PTPRD: variants seen among roughly 807,000 people sequenced by gnomAD.
PTPRD encodes the protein protein tyrosine phosphatase receptor type D.
Under a neutral mutation model 214.5 loss-of-function variants are expected in PTPRD, and 34 were observed. The observed-to-expected ratio is 0.16, with a 90% CI of 0.12 to 0.21. The LOEUF (loss-of-function observed/expected upper bound fraction) is 0.21. Among genes scored for constraint, PTPRD ranks in the 10% least tolerant of loss-of-function variants. The pLI is 1.00. For synonymous variants in PTPRD, 1,128 were observed against 845.7 expected (o/e 1.33, Z -5.79); for missense variants, 2,545 against 2,398.7 (o/e 1.06, Z -1.27).
chr9:9,001,210 G>A (rs1207156450), intron 11 of PTPRD, among the ~76,000 whole-genome samples: 1 of 151,908 alleles, frequency 6.6e-6, no homozygotes, highest in Non-Finnish European at 1.5e-5. Flanking sequence ...TAGGTCCTGG[G>A]GTTGCAGCAA....
intron 2 of PTPRD, among the ~76,000 whole-genome samples, chr9:10,578,099 G>A (rs1470128325): frequency 2.6e-5 from 4 of 151,806 alleles, no homozygotes; most frequent in East Asian, 2.0e-4. Context: ...TAGGAGAGAC[G>A]GGGTTTCACC....
chr9:9,788,869 C>T (rs909767259), intron 5 of PTPRD, among the ~76,000 whole-genome samples: 1 of 152,016 alleles, frequency 6.6e-6, no homozygotes, highest in African/African-American at 2.4e-5. Context: ...TCATGGTCTT[C>T]ATCTAGGGTC....
At chr9:8,940,827 GTGATGA>G (rs5896286) in intron 11 of PTPRD, among the ~76,000 whole-genome samples, 13 of 139,980 alleles carry the variant, frequency 9.3e-5, no homozygotes, top group African/African-American at 2.5e-4. Context: ...CAAAACATTA[GTGATGA>G]TGATGATGAT....
intron 9 of PTPRD, among the ~76,000 whole-genome samples, chr9:9,274,596 A>T (rs1478284593): frequency 6.6e-6 from 1 of 151,200 alleles, no homozygotes; most frequent in African/African-American, 2.4e-5. Context: ...AACTCCCAAA[A>T]ATGTCTTCAT....
chr9:9,055,607 A>G (rs1291363290), intron 10 of PTPRD, among the ~76,000 whole-genome samples: 2 of 152,134 alleles, frequency 1.3e-5, no homozygotes, highest in Non-Finnish European at 2.9e-5. Flanking sequence ...TCAGGCTCCA[A>G]TTCAGGGCCT....
At chr9:10,008,885 A>C (rs903658308) in intron 4 of PTPRD, among the ~76,000 whole-genome samples, 1 of 152,156 alleles carries the variant, frequency 6.6e-6, no homozygotes, top group Admixed American at 6.6e-5. Context: ...AAAATGGTTA[A>C]AAATGAGTAA....
intron 36 of PTPRD, among the ~76,000 whole-genome samples, chr9:8,400,493 G>A (rs375386677): frequency 1.6e-4 from 24 of 152,138 alleles, no homozygotes; most frequent in African/African-American, 5.5e-4. Flanking sequence ...ATAGGAAATA[G>A]GAAATGAAGT....
At position 8,815,068 on chromosome 9, in the gene PTPRD, A is replaced by G. The variant is rs573036615; in HGVS notation, c.-103-81122T>C. On this transcript the variant is annotated intron_variant, in intron 11 of 45. Coordinates refer to ENST00000381196, the MANE Select transcript of PTPRD (RefSeq NM_002839.4). ...ATTCTGGCAGTGGACAAGAATTGTC[A>G]TATCTCACATTTAAAGGTGACATCA... is the stretch of plus-strand genomic sequence containing the variant. Among the ~76,000 whole-genome samples, 29 of 151,826 alleles carry G rather than the reference A, an allele frequency of 1.9e-4. No individual in the cohort carries two copies. In the East Asian group the frequency reaches 4.9e-3, roughly 25 times the overall value.
At chr9:8,520,140 G>A (rs2097859653) in intron 20 of PTPRD, among the ~76,000 whole-genome samples, 1 of 152,102 alleles carries the variant, frequency 6.6e-6, no homozygotes, top group Admixed American at 6.6e-5. Flanking sequence ...AATTAAAGCT[G>A]TGCTCACTGA....
intron 5 of PTPRD, among the ~76,000 whole-genome samples, chr9:9,797,243 GTTTTT>G (rs56375104): frequency 1.0e-5 from 1 of 98,060 alleles, no homozygotes; most frequent in African/African-American, 4.0e-5. Flanking sequence ...ATTTCAGGCA[GTTTTT>G]TTTTTTTTTT....
chr9:9,909,335 C>T lies in PTPRD; in HGVS notation c.-368+29172G>A, dbSNP rs150445874. Among the ~76,000 whole-genome samples, 614 of 126,932 alleles carry T rather than the reference C, an allele frequency of 4.8e-3. 2 individuals are homozygous for T. Among genetic ancestry groups the T allele is most frequent in the African/African-American group, 0.016 (565 of 35,330 alleles). The allele number at this position is 126,932 out of a possible 152,430, so 83.3% of individuals were successfully genotyped here. A position where few individuals can be genotyped will look rare whatever the true frequency, so the allele number is the denominator to read the frequency against. ...TCTGAAAGTTTTTTTTTTTTTTTTA[C>T]GGCTTTTCCTATTAATTTAACTAAC... On this transcript the variant is annotated intron_variant, in intron 5 of 45. Transcript: ENST00000381196.
intron 14 of PTPRD, among the ~76,000 whole-genome samples, chr9:8,550,804 G>C (rs747514067): frequency 6.6e-6 from 1 of 152,198 alleles, no homozygotes. Context: ...ACCCAAGGCA[G>C]ATCCAGTGTT....
chr9:9,675,949 T>C (rs550107803), intron 7 of PTPRD, among the ~76,000 whole-genome samples: 23 of 152,120 alleles, frequency 1.5e-4, no homozygotes, highest in African/African-American at 5.3e-4. Context: ...TACCCAACAA[T>C]GTTTCAAAAA....
At chr9:10,510,636 T>C (rs2047678341) in intron 2 of PTPRD, among the ~76,000 whole-genome samples, 1 of 152,176 alleles carries the variant, frequency 6.6e-6, no homozygotes. Flanking sequence ...AACATGAGCA[T>C]GCAAGGTGTA....
intron 12 of PTPRD, among the ~76,000 whole-genome samples, chr9:8,660,642 A>G (rs1461887106): frequency 6.6e-6 from 1 of 152,066 alleles, no homozygotes; most frequent in Non-Finnish European, 1.5e-5. Context: ...CTCTGAAACC[A>G]CAAACTAAAC....
At chr9:10,125,726 C>T (rs1033646915) in intron 3 of PTPRD, among the ~76,000 whole-genome samples, 64 of 151,800 alleles carry the variant, frequency 4.2e-4, no homozygotes, top group Admixed American at 4.2e-3. Context: ...TCGGGATCCG[C>T]TCGCCTCAGC....
intron 3 of PTPRD, among the ~76,000 whole-genome samples, chr9:10,251,878 G>A (rs2498609): frequency 6.6e-6 from 1 of 152,000 alleles, no homozygotes; most frequent in Non-Finnish European, 1.5e-5. Context: ...AAGGGGAAAT[G>A]TTGGTTTCAG....
At chr9:10,136,635 C>T (rs1170585856) in intron 3 of PTPRD, among the ~76,000 whole-genome samples, 1 of 85,724 alleles carries the variant, frequency 1.2e-5, no homozygotes, top group Non-Finnish European at 2.3e-5. Context: ...AGGACATAGG[C>T]GTGGGCAAGG....
chr9:10,490,339 C>T (rs942192270), intron 2 of PTPRD, among the ~76,000 whole-genome samples: 2 of 151,864 alleles, frequency 1.3e-5, no homozygotes, highest in Non-Finnish European at 2.9e-5. Flanking sequence ...TATATATTTA[C>T]CAACAATAAG....
Sources: gnomAD v4.1 joint callset for allele counts (sites outside exome capture counted in the v4.1 genomes callset) on GRCh38, gnomAD v4.1.1 for gene constraint, MANE v1.5 for transcripts, NCBI Gene and HGNC (gene_info 2026-07-23, HGNC 2026-07-21) for gene names.